BCLAF3: variants seen among roughly 807,000 people sequenced by gnomAD.
BCLAF3 encodes BCLAF1 and THRAP3 family member 3, also known as transient octamer binding factor 1.
A neutral mutation model predicts 51.2 loss-of-function variants in BCLAF3; 24 were observed. The observed-to-expected ratio is 0.47, with a 90% CI of 0.34 to 0.66. The LOEUF is 0.66. BCLAF3 is among the 30% of genes least tolerant of loss of function. BCLAF3 has a pLI of 0.01. For missense variants in BCLAF3, 465 were observed against 525.1 expected, an observed-to-expected ratio of 0.89 and a Z score of 1.12; for synonymous variants, 152 against 176.6, an observed-to-expected ratio of 0.86 and a Z score of 1.10.
chrX:19,970,118 A>T, intron 2 of BCLAF3, 106 bp downstream of exon 2: 3 of 632,511 alleles, frequency 4.7e-6, no homozygotes, highest in Non-Finnish European at 8.0e-6. Context: ...TAAAGTACCT[A>T]CTGTGAATAA....
At chrX:19,969,128 TAAAAAA>T (rs1356325655) in intron 2 of BCLAF3, among the ~76,000 whole-genome samples, 1 of 110,899 alleles carries the variant, frequency 9.0e-6, no homozygotes, top group Non-Finnish European at 1.9e-5. Context: ...AAAATAAAAA[TAAAAAA>T]AATAAAAATA....
At chrX:19,957,760 A>G (rs2071717996) in intron 4 of BCLAF3, among the ~76,000 whole-genome samples, 1 of 111,992 alleles carries the variant, frequency 8.9e-6, no homozygotes, top group South Asian at 3.6e-4. Flanking sequence ...GATCTTTAAT[A>G]AAAAATTTAA....
chrX:19,952,194 T>C (rs888241072), intron 7 of BCLAF3, among the ~76,000 whole-genome samples: 1 of 111,792 alleles, frequency 8.9e-6, no homozygotes, highest in Admixed American at 9.5e-5. Context: ...TGATTAGAAA[T>C]TGTCTGAAAA....
intron 11 of BCLAF3, among the ~76,000 whole-genome samples, chrX:19,918,841 T>C (rs995208092): frequency 9.1e-6 from 1 of 109,902 alleles, no homozygotes; most frequent in Non-Finnish European, 1.9e-5. Flanking sequence ...CACCTGGCCA[T>C]AAAAGCCCAT....
rs1265209502 is a variant in BCLAF3, at chrX:19,965,355, C to T, written c.963G>A (p.Glu321=). The change falls in exon 4 of 12, where the codon GAG becomes GAA. Residue 321 remains glutamate, a synonymous_variant. Transcript: ENST00000379682. The stretch of plus-strand genomic sequence containing the variant: ...CTCTTCCAGTATTAAAACAATCTAA[C>T]TCTCTATTTAGAGGGCCTTTTTGAA... The part of the protein sequence containing the change: ...YSFQKGPLNR[E]LDCFNTGRGR... The T allele has an allele frequency of 1.7e-6, 2 of 1,211,382 alleles. No individual in the cohort carries two copies. The highest frequency in any genetic ancestry group is 1.8e-5 in the South Asian group (1 of 56,997).
intron 6 of BCLAF3, 66 bp downstream of exon 6, chrX:19,953,712 T>C (rs1353917309): frequency 5.5e-6 from 5 of 908,596 alleles, no homozygotes; most frequent in African/African-American, 2.0e-5. Context: ...AGCAGCCCCT[T>C]CCCAAATCTT....
intron 9 of BCLAF3, 54 bp from the exon 10 acceptor site, chrX:19,935,952 AAGCTT>A: frequency 1.0e-6 from 1 of 980,948 alleles, no homozygotes; most frequent in Non-Finnish European, 1.4e-6. Flanking sequence ...TTTACTTTAA[AAGCTT>A]GTTTTACCAT....
At chrX:19,971,139 G>A (rs2072243073) in intron 1 of BCLAF3, among the ~76,000 whole-genome samples, 1 of 111,764 alleles carries the variant, frequency 8.9e-6, no homozygotes, top group South Asian at 3.8e-4. Flanking sequence ...TCCCAGGCTG[G>A]AGTGCAGTGG....
At chrX:19,924,183 G>A (rs2070284185) in intron 11 of BCLAF3, among the ~76,000 whole-genome samples, 1 of 111,697 alleles carries the variant, frequency 9.0e-6, no homozygotes, top group African/African-American at 3.3e-5. Context: ...TGACAATCTG[G>A]AGGTCTGGAG....
intron 4 of BCLAF3, among the ~76,000 whole-genome samples, chrX:19,959,483 C>T (rs959424589): frequency 2.7e-5 from 3 of 111,268 alleles, no homozygotes; most frequent in African/African-American, 9.8e-5. Context: ...AGGTCAAGTG[C>T]GGTGGCTCAC....
intron 1 of BCLAF3, among the ~76,000 whole-genome samples, chrX:19,986,980 T>A (rs2072821042): frequency 1.8e-5 from 2 of 109,661 alleles, no homozygotes; most frequent in African/African-American, 6.7e-5. Flanking sequence ...TTTTTAAAAA[T>A]TTTTTTGTAG....
At chrX:19,954,302 C>G (rs1005788783) in intron 5 of BCLAF3, 2 of 476,781 alleles carry the variant, frequency 4.2e-6, no homozygotes, top group Non-Finnish European at 2.6e-6. Flanking sequence ...CAATTTCAAA[C>G]AAATACTAAA....
chrX:19,948,936 A>T (rs1439696813), intron 8 of BCLAF3, among the ~76,000 whole-genome samples: 1 of 110,508 alleles, frequency 9.0e-6, no homozygotes, highest in Non-Finnish European at 1.9e-5. Flanking sequence ...GGGGTGATGA[A>T]ATGTTTCGGA....
At chrX:19,937,047 TA>T (rs2147788344) in intron 9 of BCLAF3, among the ~76,000 whole-genome samples, 1 of 111,640 alleles carries the variant, frequency 9.0e-6, no homozygotes, top group South Asian at 3.7e-4. Context: ...ATTATTATTA[TA>T]TTTTTTTGTA....
chrX:19,934,638 A>T (rs2070690343), intron 10 of BCLAF3, among the ~76,000 whole-genome samples: 1 of 111,833 alleles, frequency 8.9e-6, no homozygotes, highest in African/African-American at 3.3e-5. Flanking sequence ...TTAATAGATC[A>T]CTCAATTAAC....
At position 19,972,533 on chromosome X, in the gene BCLAF3, T is replaced by G. The variant is rs763114688; in HGVS notation, c.-34-2235A>C. ...TTCACATGCCATATAATTTACCCAT[T>G]TAAAGTATACAATTCAATGTTTTTT... On this transcript the variant is annotated intron_variant, in intron 1 of 11. Coordinates refer to ENST00000379682, the MANE Select transcript of BCLAF3 (RefSeq NM_001367774.2). 1.8e-3 allele frequency among the ~76,000 whole-genome samples: 205 copies of G among 112,229 alleles called. 2 individuals carry two copies. The highest frequency in any genetic ancestry group is 6.3e-3 in the African/African-American group (194 of 30,925).
chrX:19,982,026 G>A (rs1342495909), intron 1 of BCLAF3, among the ~76,000 whole-genome samples: 3 of 111,947 alleles, frequency 2.7e-5, no homozygotes, highest in Non-Finnish European at 3.8e-5. Flanking sequence ...ATTGTGTTAT[G>A]TTAATTCTAT....
rs973255176 is a variant in BCLAF3, at chrX:19,917,133, A to C, written c.*172T>G. ...TTTTAAATTGAATACTGTAATTTAA[A>C]AGCAATTGTTAGGTGTAAAAAAGTT... On this transcript the variant is annotated 3_prime_UTR_variant, in exon 12 of 12. Transcript: ENST00000379682. The C allele has an allele frequency of 2.1e-6, 1 of 486,900 alleles. No homozygotes were observed. The highest frequency in any genetic ancestry group is 2.5e-5 in the African/African-American group (1 of 40,712). The allele number at this position is 486,900 out of a possible 1,213,427, so 40.1% of individuals were successfully genotyped here.
intron 1 of BCLAF3, among the ~76,000 whole-genome samples, chrX:19,976,646 C>T (rs1445287175): frequency 8.9e-6 from 1 of 111,781 alleles, no homozygotes; most frequent in Non-Finnish European, 1.9e-5. Context: ...CTGCCTCAGT[C>T]TCCCAAAGTG....
Sources: gnomAD v4.1 joint callset for allele counts (sites outside exome capture counted in the v4.1 genomes callset) on GRCh38, gnomAD v4.1.1 for gene constraint, MANE v1.5 for transcripts, NCBI Gene and HGNC (gene_info 2026-07-23, HGNC 2026-07-21) for gene names.